The following FRMD6 variants were observed in gnomAD, a reference collection of about 807,000 sequenced individuals.
FRMD6 encodes the protein FERM domain-containing protein 6.
FRMD6 carries 37 observed loss-of-function variants against 73.2 expected under a neutral mutation model. The ratio of observed to expected loss-of-function variants is 0.51; its 90% CI spans 0.39 to 0.66. The LOEUF (loss-of-function observed/expected upper bound fraction) is 0.66. Ranked by LOEUF, FRMD6 falls within the 30% of genes least tolerant of loss-of-function variation. The probability of loss-of-function intolerance (pLI) is 0.00; values close to 1 mark genes in which losing one functional copy is unlikely to be tolerated. For missense variants in FRMD6, 714 were observed against 780.5 expected, an observed-to-expected ratio of 0.91 and a Z score of 1.02; for synonymous variants, 273 against 282.2, an observed-to-expected ratio of 0.97 and a Z score of 0.33.
At chr14:51,471,014 G>C in the FRMD6 span, among the ~76,000 whole-genome samples, 1 of 152,212 alleles carries the variant, frequency 6.6e-6, no homozygotes, top group Non-Finnish European at 1.5e-5. Context: ...GTGATCAATA[G>C]TATTGTGCAT....
intron 1 of FRMD6, among the ~76,000 whole-genome samples, chr14:51,503,399 A>C (rs1356200953): frequency 6.6e-6 from 1 of 152,190 alleles, no homozygotes; most frequent in African/African-American, 2.4e-5. Flanking sequence ...GAGAGTTTTT[A>C]ACATGAAGGG....
At chr14:51,710,694 C>G (rs1444325346) in intron 7 of FRMD6, among the ~76,000 whole-genome samples, 7 of 152,134 alleles carry the variant, frequency 4.6e-5, no homozygotes, top group Non-Finnish European at 1.0e-4. Flanking sequence ...AAAAAGATCT[C>G]TGCATACTCA....
At chr14:51,679,682 A>G (rs1341114219) in intron 1 of FRMD6, among the ~76,000 whole-genome samples, 1 of 151,944 alleles carries the variant, frequency 6.6e-6, no homozygotes, top group African/African-American at 2.4e-5. Flanking sequence ...TATTGTGGGA[A>G]AATATGCCAT....
At chr14:51,602,867 A>G (rs909804827) in intron 2 of FRMD6, among the ~76,000 whole-genome samples, 7 of 152,230 alleles carry the variant, frequency 4.6e-5, no homozygotes, top group African/African-American at 1.7e-4. Flanking sequence ...AAGAAACAAA[A>G]CTTCATGCTA....
chr14:51,510,692 A>G (rs1884247820), intron 1 of FRMD6, among the ~76,000 whole-genome samples: 1 of 152,194 alleles, frequency 6.6e-6, no homozygotes, highest in African/African-American at 2.4e-5. Context: ...GACCAGAGCC[A>G]TAAAAAATGC....
chr14:51,565,736 GT>G (rs140591591), intron 1 of FRMD6, among the ~76,000 whole-genome samples: 32,825 of 152,050 alleles, frequency 0.22, 3,599 homozygotes, highest in Middle Eastern at 0.32. Context: ...AACAGCAGCA[GT>G]TCTAGAGGTG....
At chr14:51,534,895 C>G (rs1158847206) in intron 1 of FRMD6, among the ~76,000 whole-genome samples, 1 of 152,200 alleles carries the variant, frequency 6.6e-6, no homozygotes. Flanking sequence ...CAGGTACTCT[C>G]CAGTGGAGAA....
chr14:51,576,661 C>T (rs1236937618), intron 2 of FRMD6, among the ~76,000 whole-genome samples: 2 of 152,120 alleles, frequency 1.3e-5, no homozygotes, highest in African/African-American at 4.8e-5. Context: ...GCATGTTATC[C>T]CTTGACCCAT....
At chr14:51,442,392 G>C in the FRMD6 span, among the ~76,000 whole-genome samples, 1 of 151,448 alleles carries the variant, frequency 6.6e-6, no homozygotes, top group African/African-American at 2.4e-5. Context: ...TTTTTTCGAA[G>C]GTTTTAAATT....
At chr14:51,624,164 G>C (rs943493756) in intron 2 of FRMD6, among the ~76,000 whole-genome samples, 5 of 152,164 alleles carry the variant, frequency 3.3e-5, no homozygotes, top group African/African-American at 1.2e-4. Flanking sequence ...GGGATGGGAG[G>C]AGGGAGAGGA....
intron 1 of FRMD6, among the ~76,000 whole-genome samples, chr14:51,665,038 G>A (rs11847326): frequency 0.16 from 23,962 of 152,126 alleles, 1,994 homozygotes; most frequent in African/African-American, 0.22. Flanking sequence ...CTCTTAGGGT[G>A]GAATTCATCA....
chr14:51,666,038 A>C (rs1054154137), intron 1 of FRMD6, among the ~76,000 whole-genome samples: 1 of 152,250 alleles, frequency 6.6e-6, no homozygotes, highest in East Asian at 1.9e-4. Context: ...TGTTAGATTT[A>C]GCTTCCAGTG....
the FRMD6 span, among the ~76,000 whole-genome samples, chr14:51,400,079 A>C: frequency 6.6e-6 from 1 of 152,202 alleles, no homozygotes; most frequent in Non-Finnish European, 1.5e-5. Context: ...GCTAATAAAC[A>C]CAGTCATCAT....
the FRMD6 span, among the ~76,000 whole-genome samples, chr14:51,440,665 A>C: frequency 3.3e-5 from 5 of 152,216 alleles, no homozygotes; most frequent in African/African-American, 1.2e-4. Context: ...AGAGCCAAGC[A>C]AATGTACTTA....
At chr14:51,723,758 G>C (rs1216403561) in intron 12 of FRMD6, among the ~76,000 whole-genome samples, 7 of 142,204 alleles carry the variant, frequency 4.9e-5, no homozygotes. Context: ...CTGGGCAAAA[G>C]AGTGAGACTC....
chr14:51,705,155 A>G (rs111899124), intron 6 of FRMD6, among the ~76,000 whole-genome samples: 186 of 152,132 alleles, frequency 1.2e-3, no homozygotes, highest in African/African-American at 4.2e-3. Flanking sequence ...ATCCATCCTG[A>G]TAATACAGTG....
chr14:51,585,369 C>A (rs760315891), intron 2 of FRMD6, among the ~76,000 whole-genome samples: 10 of 152,144 alleles, frequency 6.6e-5, no homozygotes, highest in Non-Finnish European at 1.3e-4. Flanking sequence ...TTTATGCAAT[C>A]TCACAACCTG....
chr14:51,453,388 G>A, the FRMD6 span, among the ~76,000 whole-genome samples: 3 of 152,242 alleles, frequency 2.0e-5, 1 homozygote, highest in Middle Eastern at 0.01. Flanking sequence ...GTGAAGCAAA[G>A]AGCTGTGGTT....
the FRMD6 span, among the ~76,000 whole-genome samples, chr14:51,459,884 C>CTTTTTTTTTTTTTTTTTTTT: frequency 3.2e-3 from 236 of 74,614 alleles, 44 homozygotes; most frequent in Non-Finnish European, 3.5e-3. Context: ...TACTGACTCT[C>CTTTTTTTTTTTTTTTTTTTT]TTTTTTTTTT....
Sources: allele counts gnomAD v4.1 joint callset (sites outside exome capture counted in the v4.1 genomes callset), GRCh38; gene constraint gnomAD v4.1.1; transcripts MANE v1.5; gene names NCBI Gene and HGNC (gene_info 2026-07-23, HGNC 2026-07-21).